The following RAB3B variants were observed in gnomAD, a reference collection of about 807,000 sequenced individuals.
RAB3B encodes RAB3B, member RAS oncogene family.
Under a neutral mutation model 20.5 loss-of-function variants are expected in RAB3B, and 11 were observed. The ratio of observed to expected loss-of-function variants is 0.54; its 90% CI spans 0.34 to 0.89. The LOEUF (loss-of-function observed/expected upper bound fraction) is 0.89. Ranked by LOEUF, RAB3B falls within the 40% of genes least tolerant of loss-of-function variation. The pLI is 0.02. For synonymous variants in RAB3B, 99 were observed against 106.3 expected (o/e 0.93, Z 0.42); for missense variants, 225 against 280.9 (o/e 0.80, Z 1.42).
At chr1:51,935,733 A>G (rs1684389519) in intron 3 of RAB3B, among the ~76,000 whole-genome samples, 1 of 151,968 alleles carries the variant, frequency 6.6e-6, no homozygotes, top group Non-Finnish European at 1.5e-5. Flanking sequence ...GAGAGAGAAG[A>G]GGAGGAGCAG....
At chr1:51,967,246 G>A (rs1245294545) in intron 2 of RAB3B, among the ~76,000 whole-genome samples, 2 of 152,038 alleles carry the variant, frequency 1.3e-5, no homozygotes, top group Admixed American at 6.6e-5. Context: ...CCAGGAAGTG[G>A]AGGTTGCAGT....
chr1:51,944,740 G>A (rs919771029), intron 2 of RAB3B, among the ~76,000 whole-genome samples: 12 of 152,124 alleles, frequency 7.9e-5, no homozygotes, highest in Admixed American at 6.5e-5. Flanking sequence ...AAACTTGAAC[G>A]GATGCAGTTG....
intron 2 of RAB3B, among the ~76,000 whole-genome samples, chr1:51,951,490 G>A (rs980720795): frequency 5.9e-5 from 9 of 152,118 alleles, no homozygotes; most frequent in Admixed American, 5.2e-4. Context: ...GCTCTTTCTA[G>A]CCCACCATGT....
intron 2 of RAB3B, among the ~76,000 whole-genome samples, chr1:51,946,316 G>T (rs1684563894): frequency 6.6e-6 from 1 of 152,202 alleles, no homozygotes; most frequent in African/African-American, 2.4e-5. Flanking sequence ...GTGCTCTATG[G>T]AAAGCAGCCC....
intron 1 of RAB3B, among the ~76,000 whole-genome samples, chr1:51,977,434 A>C (rs1685025813): frequency 6.6e-6 from 1 of 152,146 alleles, no homozygotes; most frequent in African/African-American, 2.4e-5. Flanking sequence ...GTGGACAAAA[A>C]CTAGAATAAA....
intron 1 of RAB3B, among the ~76,000 whole-genome samples, chr1:51,987,315 T>C (rs1425471141): frequency 2.0e-5 from 3 of 152,194 alleles, no homozygotes; most frequent in African/African-American, 7.2e-5. Flanking sequence ...ACCTGGCATT[T>C]GAAAGATAAG....
In RAB3B at chr1:51,912,441, C is replaced by T. The variant is rs1684013305; in HGVS notation, c.*7486G>A. On this transcript the variant is annotated 3_prime_UTR_variant, in exon 5 of 5. Transcript: ENST00000371655. ...TTGCCATTGAGGCTGGATGCGGTGG[C>T]TCATACGTACAATCCTAGTGACTCA... is the stretch of plus-strand genomic sequence containing the variant. The T allele has an allele frequency of 6.7e-6, 1 of 148,550 alleles. No individual in the cohort carries two copies. Among genetic ancestry groups the T allele is most frequent in the Admixed American group, 6.7e-5 (1 of 14,882 alleles). 9.2% of individuals were successfully genotyped at this position (148,550 alleles called of 1,614,324 possible). A position where few individuals can be genotyped will look rare whatever the true frequency, so the allele number is the denominator to read the frequency against.
intron 2 of RAB3B, among the ~76,000 whole-genome samples, chr1:51,940,415 G>C (rs1055366970): frequency 1.3e-5 from 2 of 152,134 alleles, no homozygotes; most frequent in Non-Finnish European, 1.5e-5. Flanking sequence ...TTGAAGTCAG[G>C]AGTTTGAGGC....
chr1:51,989,291 ATC>A (rs1216529362), intron 1 of RAB3B, among the ~76,000 whole-genome samples: 1 of 141,546 alleles, frequency 7.1e-6, no homozygotes, highest in Non-Finnish European at 1.5e-5. Flanking sequence ...CCTCCTCCAC[ATC>A]TCTCTTAGCT....
At chr1:51,928,138 C>T (rs929490117) in intron 4 of RAB3B, among the ~76,000 whole-genome samples, 3 of 151,890 alleles carry the variant, frequency 2.0e-5, no homozygotes, top group African/African-American at 7.3e-5. Flanking sequence ...TGGAGTTTTG[C>T]TCTTGTTGCC....
At position 51,919,024 on chromosome 1, in the gene RAB3B, C is replaced by T. The variant is rs919999024; in HGVS notation, c.*903G>A. The T allele has an allele frequency of 5.4e-5, 8 of 148,852 alleles. No homozygotes were observed. In the East Asian group the frequency reaches 5.8e-4, roughly 11 times the overall value. The allele number at this position is 148,852 out of a possible 1,614,324, so 9.2% of individuals were successfully genotyped here. A position where few individuals can be genotyped will look rare whatever the true frequency, so the allele number is the denominator to read the frequency against. On this transcript the variant is annotated 3_prime_UTR_variant, in exon 5 of 5. Coordinates refer to ENST00000371655, the MANE Select transcript of RAB3B (RefSeq NM_002867.4). ...CGGAGTCTCGCTCTGTCGCCCAGGC[C>T]GGACTGCGGACTGCAGTGGCGCAAT...
At chr1:51,927,850 T>C (rs1684265830) in intron 4 of RAB3B, among the ~76,000 whole-genome samples, 1 of 152,118 alleles carries the variant, frequency 6.6e-6, no homozygotes, top group African/African-American at 2.4e-5. Flanking sequence ...CTCTCCTTCC[T>C]TTGTAGGCAG....
At position 51,920,021 on chromosome 1, in the gene RAB3B, T is replaced by C. The variant is rs35212254; in HGVS notation, c.566A>G (p.Asp189Gly). The C allele has an allele frequency of 1.6e-4, 258 of 1,614,130 alleles. 1 individual carries two copies. The African/African-American group carries it at 3.2e-3, about 20-fold the overall frequency. Residue 189 changes from aspartate to glycine, a missense_variant, in exon 5 of 5, where the codon GAT (aspartate) becomes GGT (glycine). Physicochemically the swap from Asp to Gly is moderately conservative, Grantham distance 94 (BLOSUM62 -1). Coordinates refer to ENST00000371655, the MANE Select transcript of RAB3B (RefSeq NM_002867.4). ...CATCGACGGGTCTGTGTCCAGCGAA[T>C]CAGACATCTTGTCACAAATGGCATC... ...LVDAICDKMS[D>G]SLDTDPSMLG...
chr1:51,920,670 T>C (rs887961264), intron 4 of RAB3B, among the ~76,000 whole-genome samples: 4 of 152,174 alleles, frequency 2.6e-5, no homozygotes, highest in Admixed American at 2.6e-4. Flanking sequence ...AGAAGTAAGC[T>C]AGCTTGCCCA....
intron 1 of RAB3B, among the ~76,000 whole-genome samples, chr1:51,988,129 C>G (rs915669609): frequency 1.3e-5 from 2 of 152,056 alleles, no homozygotes; most frequent in East Asian, 3.9e-4. Flanking sequence ...CCATGCTGTT[C>G]AAAGGTCAAC....
intron 2 of RAB3B, among the ~76,000 whole-genome samples, chr1:51,968,986 T>C (rs1312739077): frequency 6.6e-6 from 1 of 152,230 alleles, no homozygotes; most frequent in Admixed American, 6.5e-5. Flanking sequence ...CTCTTATCTA[T>C]GTCTTTAATT....
intron 2 of RAB3B, among the ~76,000 whole-genome samples, chr1:51,957,581 T>C (rs1373619588): frequency 1.3e-5 from 2 of 152,238 alleles, no homozygotes; most frequent in Non-Finnish European, 2.9e-5. Context: ...AATATCCTTT[T>C]CTTGGTATTG....
intron 1 of RAB3B, among the ~76,000 whole-genome samples, chr1:51,985,395 T>G (rs758424997): frequency 6.6e-6 from 1 of 152,178 alleles, no homozygotes; most frequent in Non-Finnish European, 1.5e-5. Flanking sequence ...GAAACACATA[T>G]AGAGCATTTT....
chr1:51,952,146 C>T (rs897350491), intron 2 of RAB3B, among the ~76,000 whole-genome samples: 12 of 152,286 alleles, frequency 7.9e-5, no homozygotes, highest in Admixed American at 2.6e-4. Context: ...ATTCACTGAT[C>T]TTAGCCTGTG....
Sources: gnomAD v4.1 joint callset for allele counts (sites outside exome capture counted in the v4.1 genomes callset) on GRCh38, gnomAD v4.1.1 for gene constraint, MANE v1.5 for transcripts, NCBI Gene and HGNC (gene_info 2026-07-23, HGNC 2026-07-21) for gene names.